Variants in DYNC1I1 observed in about 807,000 individuals in gnomAD.
DYNC1I1 encodes cytoplasmic dynein 1 intermediate chain 1.
A neutral mutation model predicts 86.6 loss-of-function variants in DYNC1I1; 43 were observed. The ratio of observed to expected loss-of-function variants is 0.50; its 90% CI spans 0.39 to 0.64. The LOEUF is 0.64. Among genes scored for constraint, DYNC1I1 ranks in the 30% least tolerant of loss-of-function variants. The pLI is 0.00. For missense variants in DYNC1I1, 604 were observed against 788.8 expected, an observed-to-expected ratio of 0.77 and a Z score of 2.81; for synonymous variants, 262 against 283.7, an observed-to-expected ratio of 0.92 and a Z score of 0.77.
At chr7:96,000,490 A>G (rs1305549972) in intron 10 of DYNC1I1, among the ~76,000 whole-genome samples, 1 of 152,232 alleles carries the variant, frequency 6.6e-6, no homozygotes, top group Non-Finnish European at 1.5e-5. Flanking sequence ...GACCAGAGAA[A>G]TAGTGCCACA....
At position 95,844,692 on chromosome 7, in the gene DYNC1I1, G is replaced by A. The variant is rs375524207; in HGVS notation, c.374+16576G>A. On this transcript the variant is annotated intron_variant, in intron 5 of 16. Coordinates refer to ENST00000447467, the MANE Select transcript of DYNC1I1 (RefSeq NM_001135556.2). ...CAACCACTGAGTCTGTTTTCTGGGT[G>A]GGGGCCCCAGGACGGACTGGTGGAA... Among the ~76,000 whole-genome samples the A allele has an allele frequency of 4.6e-5, 7 of 152,166 alleles. No individual in the cohort carries two copies. The East Asian group carries it at 1.2e-3, about 25-fold the overall frequency.
At position 95,869,867 on chromosome 7, in the gene DYNC1I1, T is replaced by A. The variant is rs1405161222; in HGVS notation, c.375-16T>A. The A allele has an allele frequency of 2.5e-6, 4 of 1,609,096 alleles. No individual in the cohort carries two copies. The Admixed American group carries it at 5.1e-5, about 20-fold the overall frequency. On this transcript the variant is annotated splice_polypyrimidine_tract_variant and intron_variant, in intron 5 of 16. Transcript: ENST00000447467. ...ATGCCTCCCCTCTCTAAGCATTTAT[T>A]CTTTGTTACTTACAGAAGAAGACTG...
At chr7:95,900,668 G>A (rs1367722371) in intron 6 of DYNC1I1, among the ~76,000 whole-genome samples, 1 of 152,164 alleles carries the variant, frequency 6.6e-6, no homozygotes, top group African/African-American at 2.4e-5. Context: ...GATCCTGTAA[G>A]ACTTGGGCTT....
chr7:96,051,001 G>A (rs1018948361), intron 14 of DYNC1I1, among the ~76,000 whole-genome samples: 1 of 152,104 alleles, frequency 6.6e-6, no homozygotes, highest in Non-Finnish European at 1.5e-5. Context: ...ACATGCTGGA[G>A]CTGATGCTCA....
chr7:95,995,661 C>A (rs932346968), intron 9 of DYNC1I1, among the ~76,000 whole-genome samples: 1 of 152,058 alleles, frequency 6.6e-6, no homozygotes, highest in African/African-American at 2.4e-5. Context: ...GTAATGGAAG[C>A]CAATACAGGA....
chr7:96,103,444 C>T (rs1236675766), intron 16 of DYNC1I1, among the ~76,000 whole-genome samples: 1 of 152,154 alleles, frequency 6.6e-6, no homozygotes, highest in Non-Finnish European at 1.5e-5. Flanking sequence ...CAGCAGCCTC[C>T]TAACTGGTCT....
intron 6 of DYNC1I1, among the ~76,000 whole-genome samples, chr7:95,966,652 G>A (rs994226467): frequency 5.3e-5 from 8 of 152,072 alleles, no homozygotes; most frequent in African/African-American, 1.7e-4. Context: ...CTAAAGCCTC[G>A]GTTTTCTCAT....
chr7:95,800,137 G>T (rs1004358840), intron 1 of DYNC1I1, among the ~76,000 whole-genome samples: 1 of 150,888 alleles, frequency 6.6e-6, no homozygotes, highest in Non-Finnish European at 1.5e-5. Flanking sequence ...AAGTGGAGAT[G>T]AGCTGTAGTG....
chr7:96,028,180 T>C lies in DYNC1I1; in HGVS notation c.975T>C (p.Ser325=). 1 of 1,613,886 alleles carries C rather than the reference T, an allele frequency of 6.2e-7. No individual in the cohort carries two copies. Among genetic ancestry groups the C allele is most frequent in the Non-Finnish European group, 8.5e-7 (1 of 1,179,812 alleles). Residue 325 remains serine (S), a synonymous_variant, in exon 11 of 17, where the codon TCT becomes TCC. Transcript: ENST00000447467. ...TPEYVFHCQS[S]VMSVCFARFH... is the part of the protein sequence containing the mutation. ...TCTCTCCTTTTCCCTGACAGTCCTC[T>C]GTGATGTCGGTCTGCTTCGCCCGTT...
chr7:95,864,514 A>C (rs1230975734), intron 5 of DYNC1I1, among the ~76,000 whole-genome samples: 1 of 152,190 alleles, frequency 6.6e-6, no homozygotes. Flanking sequence ...GACAAGGTGA[A>C]AAGAAACTCT....
intron 10 of DYNC1I1, among the ~76,000 whole-genome samples, chr7:95,997,532 GT>G (rs1793895981): frequency 1.3e-5 from 2 of 149,518 alleles, no homozygotes; most frequent in Non-Finnish European, 3.0e-5. Context: ...TAAATTACTT[GT>G]TTTACCACAC....
intron 14 of DYNC1I1, among the ~76,000 whole-genome samples, chr7:96,070,829 C>G (rs1293808594): frequency 2.0e-5 from 3 of 152,296 alleles, no homozygotes; most frequent in South Asian, 4.1e-4. Flanking sequence ...GGAAAAGAAC[C>G]ATTATATTCT....
At chr7:96,094,012 GA>G in intron 16 of DYNC1I1, among the ~76,000 whole-genome samples, 1 of 152,102 alleles carries the variant, frequency 6.6e-6, no homozygotes, top group East Asian at 1.9e-4. Context: ...ACACACAACA[GA>G]TATCAGGAAA....
chr7:95,950,515 C>T (rs1285429478), intron 6 of DYNC1I1, among the ~76,000 whole-genome samples: 1 of 152,170 alleles, frequency 6.6e-6, no homozygotes, highest in African/African-American at 2.4e-5. Context: ...ATATGTGCCA[C>T]TAAGTCTTTT....
In DYNC1I1 at chr7:95,810,411, A is replaced by G; in HGVS notation, c.128A>G (p.Lys43Arg). 6.2e-7 allele frequency: 1 copy of G among 1,610,942 alleles called. No homozygotes were observed. The highest frequency in any genetic ancestry group is 8.5e-7 in the Non-Finnish European group (1 of 1,178,348). Residue 43 changes from lysine (K) to arginine (R), a missense_variant, in exon 3 of 17, where the codon AAA becomes AGA. Transcript: ENST00000447467. Reference protein sequence around the residue: ...KKKEADMQQKKEPVQDDSDLD... With the variant: ...KKKEADMQQKREPVQDDSDLD... Reference sequence around the variant, plus strand: ...TTCTAGGCTGATATGCAGCAGAAGAAAGAACCCGTTCAGGACGACTCTGAT... The same window carrying G: ...TTCTAGGCTGATATGCAGCAGAAGAGAGAACCCGTTCAGGACGACTCTGAT...
intron 5 of DYNC1I1, among the ~76,000 whole-genome samples, chr7:95,842,783 A>G (rs1239552824): frequency 6.6e-6 from 1 of 152,100 alleles, no homozygotes; most frequent in Non-Finnish European, 1.5e-5. Context: ...ATAGCTGTTT[A>G]TTTGATGCTC....
intron 11 of DYNC1I1, among the ~76,000 whole-genome samples, chr7:96,030,710 A>G (rs1455579651): frequency 6.6e-6 from 1 of 152,108 alleles, no homozygotes; most frequent in Non-Finnish European, 1.5e-5. Flanking sequence ...CCCATTCTTC[A>G]GTTTTACTAA....
intron 6 of DYNC1I1, among the ~76,000 whole-genome samples, chr7:95,973,116 G>A (rs1297086325): frequency 2.6e-5 from 4 of 152,092 alleles, no homozygotes; most frequent in Admixed American, 2.0e-4. Flanking sequence ...ATGAAGTAGT[G>A]GCACAACTCA....
intron 1 of DYNC1I1, among the ~76,000 whole-genome samples, chr7:95,792,274 T>G (rs1463461245): frequency 6.6e-6 from 1 of 152,144 alleles, no homozygotes; most frequent in Non-Finnish European, 1.5e-5. Context: ...TCCAGTCTTG[T>G]GCTGGGATTT....
Sources: gnomAD v4.1 joint callset for allele counts (sites outside exome capture counted in the v4.1 genomes callset) on GRCh38, gnomAD v4.1.1 for gene constraint, MANE v1.5 for transcripts, NCBI Gene and HGNC (gene_info 2026-07-23, HGNC 2026-07-21) for gene names.